CCDC102B: variants seen among roughly 807,000 people sequenced by gnomAD.
The protein encoded by CCDC102B is coiled-coil domain-containing protein 102B.
CCDC102B carries 75 observed loss-of-function variants against 57.4 expected under a neutral mutation model. The ratio of observed to expected loss-of-function variants is 1.31; its 90% CI spans 1.08 to 1.58. CCDC102B has a LOEUF of 1.58. Among genes scored for constraint, CCDC102B ranks in the 40% most tolerant of loss-of-function variants. CCDC102B has a pLI of 0.00. For missense variants in CCDC102B, 636 were observed against 582.6 expected (o/e 1.09, Z -0.94); for synonymous variants, 206 against 201.9 (o/e 1.02, Z -0.17).
chr18:68,816,722 T>C (rs1402650494), intron 1 of CCDC102B, among the ~76,000 whole-genome samples: 2 of 152,162 alleles, frequency 1.3e-5, no homozygotes, highest in African/African-American at 4.8e-5. Context: ...CCTCGGCGTC[T>C]CAAAGTGTTG....
At position 68,845,210 on chromosome 18, in the gene CCDC102B, G is replaced by T. The variant is rs147342371; in HGVS notation, c.828-1103G>T. On this transcript the variant is annotated intron_variant, in intron 3 of 7. Coordinates refer to ENST00000360242, the MANE Select transcript of CCDC102B (RefSeq NM_024781.3). ...TGAATTATCATAGTATTGTTACCAG[G>T]AAGAATCATTTTTCTTATAAATATG... is the stretch of plus-strand genomic sequence containing the variant. Among the ~76,000 whole-genome samples, 241 of 151,846 alleles carry T rather than the reference G, an allele frequency of 1.6e-3. 5 individuals are homozygous for T. The highest frequency in any genetic ancestry group is 5.6e-3 in the African/African-American group (233 of 41,504).
chr18:68,785,071 T>C (rs994346386), intron 2 of CCDC102B, among the ~76,000 whole-genome samples: 3 of 149,714 alleles, frequency 2.0e-5, no homozygotes, highest in Non-Finnish European at 4.4e-5. Flanking sequence ...AGTGAGAATA[T>C]GCGGTGTTTG....
At chr18:68,897,828 A>G in intron 6 of CCDC102B, 2 of 327,356 alleles carry the variant, frequency 6.1e-6, no homozygotes, top group South Asian at 2.6e-5. Context: ...TATGGTAAGT[A>G]TCTGCATAAA....
chr18:68,931,943 A>G lies in CCDC102B; in HGVS notation c.1263+34515A>G, dbSNP rs946755738. 4.0e-5 allele frequency among the ~76,000 whole-genome samples: 6 copies of G among 151,812 alleles called. No individual in the cohort carries two copies. In the South Asian group the frequency reaches 1.2e-3, roughly 32 times the overall value. Reference sequence around the variant, plus strand: ...TTTTAATTGCAATTCATAGATGTGTATGTACACAAAGTGGGTATTCTATAC... The same window carrying G: ...TTTTAATTGCAATTCATAGATGTGTGTGTACACAAAGTGGGTATTCTATAC... On this transcript the variant is annotated intron_variant, in intron 6 of 7. Transcript: ENST00000360242.
At chr18:68,966,573 T>C (rs2050170352) in intron 6 of CCDC102B, among the ~76,000 whole-genome samples, 1 of 152,158 alleles carries the variant, frequency 6.6e-6, no homozygotes, top group South Asian at 2.1e-4. Flanking sequence ...TCTCAATATC[T>C]GCCCATCCTT....
chr18:68,752,816 C>A (rs1051338105), intron 2 of CCDC102B, among the ~76,000 whole-genome samples: 5 of 152,072 alleles, frequency 3.3e-5, no homozygotes, highest in African/African-American at 4.8e-5. Context: ...AGGTCTGTAG[C>A]TTTATCTTAA....
At chr18:68,773,205 G>A (rs1209932631) in intron 2 of CCDC102B, among the ~76,000 whole-genome samples, 4 of 151,970 alleles carry the variant, frequency 2.6e-5, no homozygotes, top group Non-Finnish European at 4.4e-5. Context: ...GAATCGGATT[G>A]AGTTCCTTCT....
At chr18:68,900,399 A>T (rs541002987) in intron 6 of CCDC102B, 1 of 152,128 alleles carries the variant, frequency 6.6e-6, no homozygotes, top group Non-Finnish European at 1.5e-5. Flanking sequence ...TAGAATGTAC[A>T]TTTCCATCCA....
intron 7 of CCDC102B, among the ~76,000 whole-genome samples, chr18:69,018,180 G>A (rs1027437592): frequency 3.9e-5 from 6 of 152,260 alleles, no homozygotes; most frequent in African/African-American, 1.4e-4. Flanking sequence ...ATGGAGTGCA[G>A]GTATCTCTTT....
chr18:68,923,078 A>G (rs1051382395), intron 6 of CCDC102B, among the ~76,000 whole-genome samples: 3 of 151,996 alleles, frequency 2.0e-5, no homozygotes, highest in African/African-American at 4.8e-5. Flanking sequence ...CCTCCTTTAT[A>G]TTATACTGCC....
intron 1 of CCDC102B, among the ~76,000 whole-genome samples, chr18:68,823,918 G>A (rs1285529709): frequency 1.3e-5 from 2 of 151,644 alleles, no homozygotes; most frequent in Non-Finnish European, 2.9e-5. Context: ...TTTTCTGCTT[G>A]TTGATTTAAG....
intron 6 of CCDC102B, among the ~76,000 whole-genome samples, chr18:68,935,792 A>G (rs2049219676): frequency 6.6e-6 from 1 of 151,882 alleles, no homozygotes; most frequent in Non-Finnish European, 1.5e-5. Context: ...AAGATGTGCA[A>G]GTGCAGCATC....
chr18:68,836,857 C>T lies in CCDC102B; in HGVS notation c.94C>T (p.Pro32Ser), dbSNP rs752918918. ...SIKSRGDMVAPASPPRDTCNT... is the reference protein window; with the variant it reads ...SIKSRGDMVASASPPRDTCNT... Reference sequence around the variant, plus strand: ...TAAGTCACGCGGCGACATGGTGGCACCTGCCTCACCCCCCAGGGATACCTG... The same window carrying T: ...TAAGTCACGCGGCGACATGGTGGCATCTGCCTCACCCCCCAGGGATACCTG... Residue 32 changes from proline (P) to serine (S), a missense_variant, in exon 2 of 8, where the codon CCT (proline) becomes TCT (serine). Pro to Ser is a moderately conservative substitution (Grantham distance 74). Coordinates refer to ENST00000360242, the MANE Select transcript of CCDC102B (RefSeq NM_024781.3). The T allele has an allele frequency of 2.7e-5, 43 of 1,613,916 alleles. No homozygotes were observed. Among genetic ancestry groups the T allele is most frequent in the Non-Finnish European group, 2.9e-5 (34 of 1,180,026 alleles).
chr18:68,815,549 C>A (rs1212193466), intron 1 of CCDC102B, among the ~76,000 whole-genome samples: 2 of 151,964 alleles, frequency 1.3e-5, no homozygotes, highest in African/African-American at 4.8e-5. Context: ...TTATTCAATG[C>A]CGTAGATACA....
intron 6 of CCDC102B, among the ~76,000 whole-genome samples, chr18:68,970,704 C>G (rs1367781501): frequency 6.6e-6 from 1 of 151,916 alleles, no homozygotes; most frequent in Admixed American, 6.6e-5. Context: ...AATATACTGA[C>G]AGTGTTTTCT....
chr18:68,727,928 A>C (rs1002063528), intron 2 of CCDC102B, among the ~76,000 whole-genome samples: 6 of 152,248 alleles, frequency 3.9e-5, no homozygotes, highest in Non-Finnish European at 8.8e-5. Flanking sequence ...TGGACTGTAG[A>C]TAATTGGACA....
intron 1 of CCDC102B, among the ~76,000 whole-genome samples, chr18:68,812,318 A>G (rs1349113092): frequency 6.6e-6 from 1 of 152,126 alleles, no homozygotes; most frequent in Non-Finnish European, 1.5e-5. Context: ...TAAAATTTTA[A>G]GATGTACTTT....
At chr18:68,947,181 C>A (rs1309417385) in intron 6 of CCDC102B, among the ~76,000 whole-genome samples, 6 of 151,662 alleles carry the variant, frequency 4.0e-5, no homozygotes, top group Admixed American at 2.6e-4. Flanking sequence ...GGTTTTCCAT[C>A]CCCCACCAAG....
At chr18:68,973,568 C>A (rs906748896) in intron 6 of CCDC102B, among the ~76,000 whole-genome samples, 1 of 152,050 alleles carries the variant, frequency 6.6e-6, no homozygotes, top group East Asian at 1.9e-4. Flanking sequence ...GGTGGGTACA[C>A]TTTTTCTTAT....
Sources: gnomAD v4.1 joint callset for allele counts (sites outside exome capture counted in the v4.1 genomes callset) on GRCh38, gnomAD v4.1.1 for gene constraint, MANE v1.5 for transcripts, NCBI Gene and HGNC (gene_info 2026-07-23, HGNC 2026-07-21) for gene names.